The following MYO16 variants were observed in gnomAD, a reference collection of about 807,000 sequenced individuals.
The protein encoded by MYO16 is unconventional myosin-XVI.
In MYO16, 94 loss-of-function variants were observed where a neutral mutation model predicts 205.3. That is an observed-to-expected ratio of 0.46 (90% CI 0.39 to 0.54). The LOEUF (loss-of-function observed/expected upper bound fraction) is 0.54. Among genes scored for constraint, MYO16 ranks in the 20% least tolerant of loss-of-function variants. The pLI is 0.00. For missense variants in MYO16, 2,315 were observed against 2,387.5 expected (o/e 0.97, Z 0.63); for synonymous variants, 988 against 954.0 (o/e 1.04, Z -0.66).
intron 20 of MYO16, among the ~76,000 whole-genome samples, chr13:108,977,409 C>A (rs563278056): frequency 2.6e-5 from 4 of 152,046 alleles, no homozygotes; most frequent in African/African-American, 7.2e-5. Context: ...GCAAGGAGAA[C>A]GATTATTTGC....
intron 20 of MYO16, among the ~76,000 whole-genome samples, chr13:108,984,715 A>C (rs1427411301): frequency 6.6e-6 from 1 of 152,162 alleles, no homozygotes; most frequent in African/African-American, 2.4e-5. Context: ...GACCTTGGTC[A>C]TATCCTCTGA....
At chr13:108,704,327 C>T (rs1414711545) in intron 2 of MYO16, among the ~76,000 whole-genome samples, 2 of 152,026 alleles carry the variant, frequency 1.3e-5, no homozygotes, top group East Asian at 1.9e-4. Flanking sequence ...TAAAGCAGTT[C>T]TTAAAGAGAA....
At chr13:108,578,207 T>G in the MYO16 span, among the ~76,000 whole-genome samples, 1 of 152,192 alleles carries the variant, frequency 6.6e-6, no homozygotes, top group African/African-American at 2.4e-5. Context: ...GATTTGTGCA[T>G]TTGTCTGAAA....
At chr13:109,130,569 A>T (rs138056704) in intron 31 of MYO16, among the ~76,000 whole-genome samples, 19 of 152,334 alleles carry the variant, frequency 1.2e-4, no homozygotes, top group Admixed American at 3.3e-4. Context: ...AGCATTAGGG[A>T]GTCAGAGAGG....
At chr13:109,145,421 G>A (rs1404114024) in intron 32 of MYO16, among the ~76,000 whole-genome samples, 1 of 152,088 alleles carries the variant, frequency 6.6e-6, no homozygotes, top group Non-Finnish European at 1.5e-5. Context: ...GGGGCAACGA[G>A]TAATAGTCAT....
At chr13:108,750,281 C>T (rs1186389241) in intron 4 of MYO16, among the ~76,000 whole-genome samples, 10 of 152,086 alleles carry the variant, frequency 6.6e-5, no homozygotes, top group Non-Finnish European at 1.0e-4. Context: ...TTTAGGCTGT[C>T]CTGGGATCCA....
the MYO16 span, among the ~76,000 whole-genome samples, chr13:108,506,718 G>A: frequency 6.6e-6 from 1 of 152,142 alleles, no homozygotes; most frequent in Non-Finnish European, 1.5e-5. Flanking sequence ...CTAGAACTAT[G>A]TTGAATAGAA....
intron 16 of MYO16, among the ~76,000 whole-genome samples, chr13:108,947,490 A>C (rs1566426815): frequency 1.3e-5 from 2 of 152,114 alleles, no homozygotes. Context: ...AGGCCAACCC[A>C]CACTTTCTGA....
chr13:109,123,450 T>C (rs897099344), intron 29 of MYO16, among the ~76,000 whole-genome samples: 9 of 152,180 alleles, frequency 5.9e-5, no homozygotes, highest in Non-Finnish European at 1.0e-4. Context: ...CTCCCTTTTT[T>C]TTTAGTGTAA....
At chr13:108,707,392 A>G (rs1056298792) in intron 2 of MYO16, among the ~76,000 whole-genome samples, 11 of 152,204 alleles carry the variant, frequency 7.2e-5, no homozygotes, top group African/African-American at 2.2e-4. Flanking sequence ...CCTGAATTTA[A>G]TAACCTGGTG....
intron 15 of MYO16, among the ~76,000 whole-genome samples, chr13:108,900,705 C>T (rs570668101): frequency 1.7e-4 from 26 of 152,086 alleles, no homozygotes; most frequent in Admixed American, 3.3e-4. Flanking sequence ...GTGATGGTTG[C>T]GTTAACTGTA....
At chr13:109,088,941 A>G (rs1446618337) in intron 27 of MYO16, among the ~76,000 whole-genome samples, 1 of 152,152 alleles carries the variant, frequency 6.6e-6, no homozygotes, top group Non-Finnish European at 1.5e-5. Context: ...GTTTCTGCCA[A>G]CGGCGTTGTG....
At chr13:108,499,778 T>TATAATTATGTTTCTAAAA in the MYO16 span, among the ~76,000 whole-genome samples, 1 of 152,260 alleles carries the variant, frequency 6.6e-6, no homozygotes, top group East Asian at 1.9e-4. Flanking sequence ...ATTCTTTGTA[T>TATAATTATGTTTCTAAAA]ATAATTATGT....
intron 32 of MYO16, among the ~76,000 whole-genome samples, chr13:109,150,999 A>G (rs765856271): frequency 3.3e-5 from 5 of 152,190 alleles, no homozygotes; most frequent in African/African-American, 4.8e-5. Flanking sequence ...TAGAAGCAAC[A>G]TGGTGCATGG....
chr13:108,781,428 G>T (rs1032284564), intron 4 of MYO16, among the ~76,000 whole-genome samples: 4 of 152,204 alleles, frequency 2.6e-5, no homozygotes, highest in Non-Finnish European at 5.9e-5. Context: ...GCTTTATTCA[G>T]CAGCTCTCTC....
At chr13:108,935,408 C>G (rs1047367472) in intron 16 of MYO16, among the ~76,000 whole-genome samples, 3 of 152,106 alleles carry the variant, frequency 2.0e-5, no homozygotes, top group African/African-American at 7.2e-5. Flanking sequence ...TGATTTGGCT[C>G]TCCGCTTGAA....
chr13:109,039,564 T>C (rs1296447727), intron 23 of MYO16, among the ~76,000 whole-genome samples: 4 of 152,194 alleles, frequency 2.6e-5, no homozygotes, highest in East Asian at 3.9e-4. Flanking sequence ...AATCTCTGTA[T>C]ACTTGGAAAC....
the MYO16 span, among the ~76,000 whole-genome samples, chr13:108,554,273 G>T: frequency 6.6e-6 from 1 of 151,780 alleles, no homozygotes; most frequent in Non-Finnish European, 1.5e-5. Context: ...TCCTTCCCTG[G>T]GTCTTTTTCT....
chr13:108,796,313 T>C (rs1293767532), intron 6 of MYO16, among the ~76,000 whole-genome samples: 2 of 152,196 alleles, frequency 1.3e-5, no homozygotes, highest in African/African-American at 4.8e-5. Context: ...TCTTACACTG[T>C]TGGTGGGACT....
Sources: gnomAD v4.1 joint callset for allele counts (sites outside exome capture counted in the v4.1 genomes callset) on GRCh38, gnomAD v4.1.1 for gene constraint, MANE v1.5 for transcripts, NCBI Gene and HGNC (gene_info 2026-07-23, HGNC 2026-07-21) for gene names.